Variants in DNAJC5B observed in about 807,000 individuals in gnomAD.
The protein encoded by DNAJC5B is dnaJ homolog subfamily C member 5B.
A neutral mutation model predicts 24.7 loss-of-function variants in DNAJC5B; 23 were observed. The ratio of observed to expected loss-of-function variants is 0.93; its 90% CI spans 0.67 to 1.32. The LOEUF (loss-of-function observed/expected upper bound fraction) is 1.32, where lower values mean the gene tolerates loss of function less well. DNAJC5B is among the 40% of genes most tolerant of loss of function. DNAJC5B has a pLI of 0.00. For synonymous variants in DNAJC5B, 101 were observed against 90.1 expected, an observed-to-expected ratio of 1.12 and a Z score of -0.68; for missense variants, 238 against 240.8, an observed-to-expected ratio of 0.99 and a Z score of 0.08.
chr8:66,024,071 G>A (rs1806200181), intron 1 of DNAJC5B, among the ~76,000 whole-genome samples: 1 of 152,138 alleles, frequency 6.6e-6, no homozygotes, highest in South Asian at 2.1e-4. Flanking sequence ...CCTTAGAGAT[G>A]TCTGGTAAGT....
chr8:66,041,093 C>T (rs1806598415), intron 1 of DNAJC5B, among the ~76,000 whole-genome samples: 1 of 152,174 alleles, frequency 6.6e-6, no homozygotes, highest in South Asian at 2.1e-4. Context: ...TTCCCTTTCC[C>T]AAGTAAGTTA....
At position 66,100,647 on chromosome 8, in the gene DNAJC5B, AAAAAC is replaced by A. The variant is rs950752654; in HGVS notation, c.*632_*636del. On this transcript the variant is annotated 3_prime_UTR_variant, in exon 6 of 6. Coordinates refer to ENST00000276570, the MANE Select transcript of DNAJC5B (RefSeq NM_033105.6). ...TTTGTGTGTACTTTTAGATTGGCTT[AAAAAC>A]AAAACAAAACAAAACTTCAACCTGG... 1 of 152,226 alleles carries A rather than the reference AAAAAC, an allele frequency of 6.6e-6. No homozygotes were observed. The highest frequency in any genetic ancestry group is 1.5e-5 in the Non-Finnish European group (1 of 68,040). 9.4% of individuals were successfully genotyped at this position (152,226 alleles called of 1,614,324 possible).
chr8:66,052,746 A>T (rs1345158692), intron 3 of DNAJC5B, among the ~76,000 whole-genome samples: 1 of 152,202 alleles, frequency 6.6e-6, no homozygotes, highest in Admixed American at 6.5e-5. Flanking sequence ...TAAGGCATGT[A>T]GCCTATCTGA....
chr8:66,067,244 A>G (rs1285235790), intron 3 of DNAJC5B, among the ~76,000 whole-genome samples: 2 of 148,876 alleles, frequency 1.3e-5, no homozygotes, highest in African/African-American at 2.5e-5. Flanking sequence ...GCGAGTAAAG[A>G]ATTACTGCTA....
chr8:66,099,745 C>T (rs896133863), intron 5 of DNAJC5B, among the ~76,000 whole-genome samples, 192 bp from the exon 6 acceptor site: 2 of 152,196 alleles, frequency 1.3e-5, no homozygotes, highest in African/African-American at 4.8e-5. Flanking sequence ...AATTCCATAA[C>T]TGACAAAATT....
chr8:66,092,275 T>C (rs1807863648), intron 5 of DNAJC5B, among the ~76,000 whole-genome samples: 1 of 152,182 alleles, frequency 6.6e-6, no homozygotes, highest in Non-Finnish European at 1.5e-5. Context: ...GGAGAGTCCT[T>C]TGTTCTCTGC....
At chr8:66,080,309 G>T in intron 4 of DNAJC5B, 68 bp from the exon 5 acceptor site, 2 of 1,562,790 alleles carry the variant, frequency 1.3e-6, no homozygotes, top group South Asian at 1.2e-5. Context: ...GTACAGACTT[G>T]ATTTCATGGG....
At chr8:66,044,527 G>C (rs555840735) in intron 2 of DNAJC5B, among the ~76,000 whole-genome samples, 2 of 152,048 alleles carry the variant, frequency 1.3e-5, no homozygotes, top group South Asian at 4.1e-4. Flanking sequence ...CACACCCGTA[G>C]GACCCCTGGA....
At chr8:66,027,407 C>G (rs1385334223) in intron 1 of DNAJC5B, among the ~76,000 whole-genome samples, 1 of 152,204 alleles carries the variant, frequency 6.6e-6, no homozygotes, top group African/African-American at 2.4e-5. Flanking sequence ...GAATACTGTC[C>G]TTTTAAGTTA....
intron 5 of DNAJC5B, among the ~76,000 whole-genome samples, chr8:66,081,222 A>G (rs1422159668): frequency 2.0e-5 from 3 of 152,150 alleles, no homozygotes; most frequent in African/African-American, 7.2e-5. Context: ...GTAAAGAAAG[A>G]TGAGATCTCA....
At chr8:66,022,493 G>C (rs1309494362) in intron 1 of DNAJC5B, among the ~76,000 whole-genome samples, 3 of 152,124 alleles carry the variant, frequency 2.0e-5, no homozygotes, top group Non-Finnish European at 4.4e-5. Context: ...AGCTCTGCCT[G>C]CAAGGTCAGA....
At chr8:66,032,992 C>T (rs1806392282) in intron 1 of DNAJC5B, among the ~76,000 whole-genome samples, 1 of 152,214 alleles carries the variant, frequency 6.6e-6, no homozygotes, top group African/African-American at 2.4e-5. Flanking sequence ...TAGCTTCGCC[C>T]ACAGCAAAAC....
intron 2 of DNAJC5B, among the ~76,000 whole-genome samples, chr8:66,051,304 C>T (rs1029480263): frequency 2.0e-5 from 3 of 152,246 alleles, no homozygotes; most frequent in East Asian, 1.9e-4. Context: ...TCTATTTAAC[C>T]GTGTGGAGAA....
chr8:66,047,366 C>T (rs1361839969), intron 2 of DNAJC5B, among the ~76,000 whole-genome samples: 2 of 152,222 alleles, frequency 1.3e-5, no homozygotes, highest in African/African-American at 4.8e-5. Context: ...ACAAGAAGAA[C>T]CTGACACTGT....
At chr8:66,082,668 G>C (rs186469998) in intron 5 of DNAJC5B, among the ~76,000 whole-genome samples, 1 of 152,138 alleles carries the variant, frequency 6.6e-6, no homozygotes, top group Admixed American at 6.5e-5. Context: ...GCTTTATCTT[G>C]TTTCTAAATA....
At chr8:66,063,681 A>G (rs17399663) in intron 3 of DNAJC5B, among the ~76,000 whole-genome samples, 1,638 of 152,338 alleles carry the variant, frequency 0.011, 13 homozygotes, top group Non-Finnish European at 0.018. Context: ...TGCCAGAATC[A>G]TTACGATCCG....
chr8:66,080,302 C>T (rs945659256), intron 4 of DNAJC5B, 75 bp from the exon 5 acceptor site: 9 of 1,556,148 alleles, frequency 5.8e-6, no homozygotes, highest in African/African-American at 1.4e-5. Flanking sequence ...TACCTGGGTA[C>T]AGACTTGATT....
chr8:66,052,717 CTG>C lies in DNAJC5B; in HGVS notation c.119+1053_119+1054del, dbSNP rs569282225. Among the ~76,000 whole-genome samples the C allele has an allele frequency of 1.3e-4, 20 of 152,282 alleles. No individual in the cohort carries two copies. In the East Asian group the frequency reaches 3.9e-3, roughly 29 times the overall value. On this transcript the variant is annotated intron_variant, in intron 3 of 5. Coordinates refer to ENST00000276570, the MANE Select transcript of DNAJC5B (RefSeq NM_033105.6). The stretch of plus-strand genomic sequence containing the variant: ...TGATTTTAATGAATTTCTGAAAACT[CTG>C]TTATTTGTCCCACCTATAAGGCATG...
At chr8:66,053,897 G>A (rs958272091) in intron 3 of DNAJC5B, among the ~76,000 whole-genome samples, 3 of 150,946 alleles carry the variant, frequency 2.0e-5, no homozygotes, top group Middle Eastern at 3.5e-3. Flanking sequence ...CCAAAGTGCT[G>A]GGATTACAGG....
Sources: gnomAD v4.1 joint callset for allele counts (sites outside exome capture counted in the v4.1 genomes callset) on GRCh38, gnomAD v4.1.1 for gene constraint, MANE v1.5 for transcripts, NCBI Gene and HGNC (gene_info 2026-07-23, HGNC 2026-07-21) for gene names.